The following CACNA2D4 variants were observed in gnomAD, a reference collection of about 807,000 sequenced individuals.
CACNA2D4 encodes the protein voltage-dependent calcium channel subunit alpha-2/delta-4.
In CACNA2D4, 157 loss-of-function variants were observed where a neutral mutation model predicts 163.8. The ratio of observed to expected loss-of-function variants is 0.96; its 90% confidence interval spans 0.84 to 1.09. The LOEUF (loss-of-function observed/expected upper bound fraction) is 1.09. Among genes scored for constraint, CACNA2D4 ranks in the 50% least tolerant of loss-of-function variants. CACNA2D4 has a pLI of 0.00. For missense variants in CACNA2D4, 1,410 were observed against 1,479.9 expected, an observed-to-expected ratio of 0.95 and a Z score of 0.78; for synonymous variants, 598 against 586.9, an observed-to-expected ratio of 1.02 and a Z score of -0.27.
intron 26 of CACNA2D4, 111 bp from the exon 27 acceptor site, chr12:1,811,834 C>T (rs1863722599): frequency 3.7e-6 from 4 of 1,074,512 alleles, no homozygotes; most frequent in Non-Finnish European, 4.2e-6. Context: ...AGAGAGACCG[C>T]AGCGGATGGG....
At chr12:1,879,650 G>C (rs899523505) in intron 14 of CACNA2D4, among the ~76,000 whole-genome samples, 154 bp downstream of exon 14, 4 of 152,190 alleles carry the variant, frequency 2.6e-5, no homozygotes, top group Non-Finnish European at 5.9e-5. Context: ...GGAGAGTCTG[G>C]GGTAGCTACT....
At chr12:1,819,311 G>C (rs1415119279) in intron 26 of CACNA2D4, among the ~76,000 whole-genome samples, 2 of 152,286 alleles carry the variant, frequency 1.3e-5, no homozygotes, top group Non-Finnish European at 1.5e-5. Flanking sequence ...TGAGAGGTCA[G>C]AGGCGGGACT....
rs1350335369 is a variant in CACNA2D4 at position 1,843,053 on chromosome 12, G to A, written c.2470+1349C>T. On this transcript the variant is annotated intron_variant, in intron 25 of 37. Coordinates refer to ENST00000382722, the MANE Select transcript of CACNA2D4 (RefSeq NM_172364.5). This position sits in a 1 kb window ranked among gnomAD's most constrained non-coding sequence, Gnocchi z 4.6. ...TGAGCCTCACGTTCTCCTTGTGTAA[G>A]TTGAGGGATAATGACGGCACTTATC... is the stretch of plus-strand genomic sequence containing the variant. 6.6e-6 allele frequency among the ~76,000 whole-genome samples: 1 copy of A among 152,184 alleles called. No individual in the cohort carries two copies. The highest frequency in any genetic ancestry group is 1.5e-5 in the Non-Finnish European group (1 of 68,024).
chr12:1,886,926 C>T (rs539362704), intron 7 of CACNA2D4, 83 bp downstream of exon 7: 15 of 917,932 alleles, frequency 1.6e-5, no homozygotes, highest in African/African-American at 1.1e-4. Context: ...GGGGAAGGGG[C>T]GGAAGTGGAG....
At chr12:1,817,191 A>G (rs1863904690) in intron 26 of CACNA2D4, among the ~76,000 whole-genome samples, 1 of 152,244 alleles carries the variant, frequency 6.6e-6, no homozygotes, top group Non-Finnish European at 1.5e-5. Flanking sequence ...GGCCAGTGCC[A>G]GAAGGGAGAC....
At chr12:1,855,923 C>T in intron 22 of CACNA2D4, 89 bp downstream of exon 22, 1 of 942,540 alleles carries the variant, frequency 1.1e-6, no homozygotes. Context: ...GTGCAGCAGC[C>T]TCCCCCTGCC....
rs1024850211 is a variant in CACNA2D4 at position 1,797,476 on chromosome 12, C to T, written c.3055G>A (p.Val1019Met). 10 of 1,586,658 alleles carry T rather than the reference C, an allele frequency of 6.3e-6. No individual in the cohort carries two copies. The highest frequency in any genetic ancestry group is 8.6e-6 in the Non-Finnish European group (10 of 1,169,100). The change falls in exon 35 of 38, where the codon GTG (valine) becomes ATG (methionine). Residue 1019 changes from valine (V) to methionine (M), a missense_variant. Physicochemically the swap from Val to Met is conservative, Grantham distance 21. Coordinates refer to ENST00000382722, the MANE Select transcript of CACNA2D4 (RefSeq NM_172364.5). ...QPCDTEYPVF[V>M]YQPAIREANG... Reference sequence around the variant, plus strand: ...GCCTCCCGGATGGCCGGCTGGTACACGAACACGGGGTACTCCGTGTCGCAG... The same window carrying T: ...GCCTCCCGGATGGCCGGCTGGTACATGAACACGGGGTACTCCGTGTCGCAG...
chr12:1,908,342 C>T (rs1188072113), intron 4 of CACNA2D4, among the ~76,000 whole-genome samples: 1 of 152,172 alleles, frequency 6.6e-6, no homozygotes, highest in African/African-American at 2.4e-5. Context: ...GACAGGCAGC[C>T]GCGGAGTCAA....
chr12:1,795,824 C>T (rs770897232), intron 35 of CACNA2D4, 44 bp from the exon 36 acceptor site: 8 of 1,233,498 alleles, frequency 6.5e-6, no homozygotes, highest in East Asian at 4.6e-5. Flanking sequence ...GTGGCGACCA[C>T]GAGAAGGGCT....
chr12:1,811,804 T>C (rs1418155594), intron 26 of CACNA2D4, 81 bp from the exon 27 acceptor site: 2 of 1,172,278 alleles, frequency 1.7e-6, no homozygotes, highest in Middle Eastern at 1.9e-4. Flanking sequence ...AGAGAGGAGG[T>C]GCTTCCGCAG....
chr12:1,857,241 G>C (rs2154448412), intron 20 of CACNA2D4, among the ~76,000 whole-genome samples: 1 of 152,342 alleles, frequency 6.6e-6, no homozygotes, highest in South Asian at 2.1e-4. Context: ...ACTCAGTCCA[G>C]GTGCGGGAGA....
intron 16 of CACNA2D4, among the ~76,000 whole-genome samples, chr12:1,876,995 C>T (rs560844468): frequency 1.1e-4 from 16 of 152,236 alleles, no homozygotes; most frequent in African/African-American, 3.4e-4. Flanking sequence ...CTTTTTCAAA[C>T]GTAACTATTG....
In CACNA2D4 at chr12:1,856,004, G is replaced by C. The variant is rs1865390001; in HGVS notation, c.2152+8C>G. On this transcript the variant is annotated splice_region_variant and intron_variant, in intron 22 of 37. Transcript: ENST00000382722. ...AAAAGCTTGCCTCAGTGGGCGGCCA[G>C]CACTCACACTCCAGGTCTGGGTCCT... The C allele has an allele frequency of 6.2e-7, 1 of 1,609,640 alleles. No homozygotes were observed. Among genetic ancestry groups the C allele is most frequent in the Admixed American group, 1.7e-5 (1 of 59,996 alleles).
In CACNA2D4 at chr12:1,844,507, C is replaced by T. The variant is rs199886801; in HGVS notation, c.2365G>A (p.Glu789Lys). 4.3e-5 allele frequency: 70 copies of T among 1,613,182 alleles called. No individual in the cohort carries two copies. The highest frequency in any genetic ancestry group is 3.7e-4 in the African/African-American group (28 of 75,030). ...SDRKFLTPED[E>K]ASVFTLDRFP... is the part of the protein sequence containing the mutation. ...CGGTCCAGGGTGAACACGCTGGCCT[C>T]GTCCTCAGGTGTCAGGAACTTCCTG... Residue 789 changes from glutamate to lysine, a missense_variant, in exon 25 of 38, where the codon GAG (glutamate) becomes AAG (lysine). Transcript: ENST00000382722. The surrounding 1 kb of genome is among the most constrained non-coding windows in gnomAD (Gnocchi z 4.2).
chr12:1,832,648 A>T (rs138194232), intron 26 of CACNA2D4, among the ~76,000 whole-genome samples: 6 of 152,330 alleles, frequency 3.9e-5, no homozygotes, highest in Non-Finnish European at 4.4e-5. Flanking sequence ...TGTTTTACAA[A>T]CTATAAAGTG....
At chr12:1,867,443 A>G (rs1865677316) in intron 18 of CACNA2D4, among the ~76,000 whole-genome samples, 1 of 152,078 alleles carries the variant, frequency 6.6e-6, no homozygotes, top group Non-Finnish European at 1.5e-5. Flanking sequence ...CTACTGATCC[A>G]TCTTTAAGTT....
intron 9 of CACNA2D4, 130 bp downstream of exon 9, chr12:1,885,835 G>A (rs1296810060): frequency 1.8e-5 from 12 of 678,232 alleles, no homozygotes; most frequent in South Asian, 3.7e-5. Context: ...CATGGGTAAC[G>A]TGCTCTGCTC....
Position 1,907,566 on chromosome 12 carries a change from C to T in CACNA2D4, c.655G>A (p.Asp219Asn). 2 of 1,612,548 alleles carry T rather than the reference C, an allele frequency of 1.2e-6. No homozygotes were observed. The highest frequency in any genetic ancestry group is 1.7e-6 in the Non-Finnish European group (2 of 1,178,992). ...GACATGTAGACTCCATTTAAAATAT[C>T]TGGGTCTGAAGGGTGAGACTATAGA... ...LPTNVYNKDP[D>N]ILNGVYMSEA... is the part of the protein sequence containing the mutation. Residue 219 changes from aspartate (D) to asparagine (N), a missense_variant, in exon 6 of 38, where the codon GAT becomes AAT. Coordinates refer to ENST00000382722, the MANE Select transcript of CACNA2D4 (RefSeq NM_172364.5).
intron 23 of CACNA2D4, among the ~76,000 whole-genome samples, chr12:1,853,687 C>T (rs974666170): frequency 1.3e-5 from 2 of 152,216 alleles, no homozygotes; most frequent in Non-Finnish European, 2.9e-5. Context: ...TGCTGGAAAC[C>T]TATTTGAACT....
Sources: allele counts gnomAD v4.1 joint callset (sites outside exome capture counted in the v4.1 genomes callset), GRCh38; gene constraint gnomAD v4.1.1; non-coding constraint Gnocchi (gnomAD v3.1); transcripts MANE v1.5; gene names NCBI Gene and HGNC (gene_info 2026-07-23, HGNC 2026-07-21).